The following KRT77 variants were observed in gnomAD, a reference collection of about 807,000 sequenced individuals.
KRT77 encodes the protein keratin 77.
Under a neutral mutation model 51.5 loss-of-function variants are expected in KRT77, and 44 were observed. The ratio of observed to expected loss-of-function variants is 0.85; its 90% confidence interval spans 0.67 to 1.10. The LOEUF (loss-of-function observed/expected upper bound fraction) is 1.10, where lower values mean the gene tolerates loss of function less well. Among genes scored for constraint, KRT77 ranks in the 50% least tolerant of loss-of-function variants. The probability of loss-of-function intolerance (pLI) is 0.00; values close to 1 mark genes in which losing one functional copy is unlikely to be tolerated. For missense variants in KRT77, 763 were observed against 743.9 expected (o/e 1.03, Z -0.30); for synonymous variants, 293 against 302.0 (o/e 0.97, Z 0.31).
chr12:52,691,997 G>T (rs1405079018), intron 7 of KRT77, 25 bp from the exon 8 acceptor site: 2 of 1,613,518 alleles, frequency 1.2e-6, no homozygotes. Flanking sequence ...CACACGGTCA[G>T]CCAGACCCAC....
chr12:52,701,963 C>A (rs1036124693), intron 1 of KRT77, among the ~76,000 whole-genome samples: 1 of 152,204 alleles, frequency 6.6e-6, no homozygotes, highest in Non-Finnish European at 1.5e-5. Flanking sequence ...CCATTTTCTC[C>A]AGGAATTGTA....
chr12:52,697,981 C>T (rs1308379578), intron 1 of KRT77, 85 bp from the exon 2 acceptor site: 3 of 1,445,716 alleles, frequency 2.1e-6, no homozygotes, highest in African/African-American at 2.8e-5. Context: ...CCCCTCAACA[C>T]ATCCAGACCT....
In KRT77 at chr12:52,694,627, TTGG is replaced by T. The variant is rs1392319803; in HGVS notation, c.1076_1078del (p.Thr359del). 6.3e-7 allele frequency: 1 copy of T among 1,593,128 alleles called. No homozygotes were observed. The highest frequency in any genetic ancestry group is 1.1e-5 in the South Asian group (1 of 87,672). ...ACCAGATCTGGGGGCCACGCCCACC[TTGG>T]TCTGGTACAGGGCTTCGGCCTCGTC... On this transcript the variant is annotated inframe_deletion and splice_region_variant, in exon 5 of 9. Coordinates refer to ENST00000341809, the MANE Select transcript of KRT77 (RefSeq NM_175078.3).
intron 2 of KRT77, 38 bp downstream of exon 2, chr12:52,697,644 C>A: frequency 6.6e-7 from 1 of 1,507,552 alleles, no homozygotes; most frequent in African/African-American, 1.4e-5. Flanking sequence ...AGTTTCCGGC[C>A]ATGCTTCTCC....
At position 52,701,997 on chromosome 12, in the gene KRT77, G is replaced by A. The variant is rs116339932; in HGVS notation, c.543+895C>T. 3.1e-3 allele frequency among the ~76,000 whole-genome samples: 472 copies of A among 152,202 alleles called. 3 individuals are homozygous for A. Among genetic ancestry groups the A allele is most frequent in the African/African-American group, 0.01 (421 of 41,504 alleles). ...TAACTGTTTGAAATTCCCTAAACGC[G>A]TCACGCTTTCATGCCTCCTGGTCCT... On this transcript the variant is annotated intron_variant, in intron 1 of 8. Coordinates refer to ENST00000341809, the MANE Select transcript of KRT77 (RefSeq NM_175078.3).
Position 52,697,843 on chromosome 12 carries a change from C to T in KRT77, c.597G>A (p.Leu199=), listed in dbSNP as rs1318333920. The part of the protein sequence containing the change: ...NQVLQTKWEL[L]QQVNTSTGTN... ...TTCCAGTTGAGGTGTTCACCTGCTG[C>T]AGCAACTCCCATTTTGTTTGTAGCA... is the stretch of plus-strand genomic sequence containing the variant. Residue 199 remains leucine, a synonymous_variant, in exon 2 of 9, where the codon CTG becomes CTA. Transcript: ENST00000341809. The T allele has an allele frequency of 3.7e-6, 6 of 1,614,032 alleles. No homozygotes were observed. The highest frequency in any genetic ancestry group is 5.1e-6 in the Non-Finnish European group (6 of 1,180,024).
intron 1 of KRT77, among the ~76,000 whole-genome samples, chr12:52,701,283 A>G (rs1941883883): frequency 6.6e-6 from 1 of 152,088 alleles, no homozygotes; most frequent in African/African-American, 2.4e-5. Flanking sequence ...GCGTGGTGAT[A>G]CTCAGCCAAA....
chr12:52,691,084 G>A lies in KRT77; in HGVS notation c.*81C>T, dbSNP rs571690393. 7 of 1,592,044 alleles carry A rather than the reference G, an allele frequency of 4.4e-6. No homozygotes were observed. The African/African-American group carries it at 9.4e-5, about 21-fold the overall frequency. Reference sequence around the variant, plus strand: ...CCCATTAAGAAAAGTGAATGAGAGGGGATCAGGAAGGGCGTGGAGGGGAGG... The same window carrying A: ...CCCATTAAGAAAAGTGAATGAGAGGAGATCAGGAAGGGCGTGGAGGGGAGG... On this transcript the variant is annotated 3_prime_UTR_variant, in exon 9 of 9. Coordinates refer to ENST00000341809, the MANE Select transcript of KRT77 (RefSeq NM_175078.3).
intron 2 of KRT77, 74 bp from the exon 3 acceptor site, chr12:52,696,504 G>A (rs1941796811): frequency 5.7e-6 from 7 of 1,231,816 alleles, no homozygotes; most frequent in African/African-American, 3.0e-5. Flanking sequence ...CCTTACAGCA[G>A]AAAGCTTGGA....
intron 1 of KRT77, chr12:52,698,232 A>T: frequency 1.0e-6 from 1 of 974,084 alleles, no homozygotes. Flanking sequence ...GGAGCATCTG[A>T]GACACTGATG....
At position 52,702,957 on chromosome 12, in the gene KRT77, T is replaced by G. The variant is rs749658124; in HGVS notation, c.478A>C (p.Ile160Leu). 5.0e-6 allele frequency: 8 copies of G among 1,613,932 alleles called. No homozygotes were observed. The South Asian group carries it at 8.8e-5, about 18-fold the overall frequency. The change falls in exon 1 of 9, where the codon ATC (isoleucine) becomes CTC (leucine). Residue 160 changes from isoleucine to leucine, a missense_variant. By Grantham distance (5) the Ile-to-Leu change is conservative. Coordinates refer to ENST00000341809, the MANE Select transcript of KRT77 (RefSeq NM_175078.3). ...HLEVDPEIQR[I>L]KTQEREQIMV... ...ATCTGCTCCCGCTCCTGGGTCTTGA[T>G]CCTCTGAATTTCAGGGTCCACCTCC...
chr12:52,692,759 T>C lies in KRT77; in HGVS notation c.1202A>G (p.Lys401Arg), dbSNP rs1465666626. ...CTCCCTAAGCACCCGTCCCACCTGC[T>C]TCTTCACGTTGCTGATCTCTGCCTG... ...RLQAEISNVK[K>R]QIEQMQSLIS... The change falls in exon 6 of 9, where the codon AAG becomes AGG. Residue 401 changes from lysine to arginine, a missense_variant. Lys to Arg is a conservative substitution (Grantham distance 26). Transcript: ENST00000341809. 6.2e-7 allele frequency: 1 copy of C among 1,604,252 alleles called. No homozygotes were observed. The highest frequency in any genetic ancestry group is 1.3e-5 in the African/African-American group (1 of 74,722).
At chr12:52,693,898 G>A (rs956379306) in intron 5 of KRT77, among the ~76,000 whole-genome samples, 1 of 136,460 alleles carries the variant, frequency 7.3e-6, no homozygotes. Flanking sequence ...TTAGCTTGGT[G>A]TAGTGGCGCG....
intron 2 of KRT77, among the ~76,000 whole-genome samples, chr12:52,697,462 C>G (rs978427645): frequency 1.1e-4 from 17 of 152,342 alleles, no homozygotes; most frequent in African/African-American, 4.1e-4. Context: ...ATCCATGAAG[C>G]TATCCTGCCC....
intron 1 of KRT77, 192 bp from the exon 2 acceptor site, chr12:52,698,088 G>A (rs1423462337): frequency 1.3e-6 from 2 of 1,488,226 alleles, no homozygotes; most frequent in African/African-American, 1.4e-5. Flanking sequence ...GCCAATGGCT[G>A]TAAGGTCAAC....
chr12:52,701,015 T>A (rs1941880029), intron 1 of KRT77, among the ~76,000 whole-genome samples: 2 of 152,192 alleles, frequency 1.3e-5, no homozygotes, highest in South Asian at 4.1e-4. Context: ...ATAGTCATCA[T>A]AGGCCATGCC....
At position 52,692,429 on chromosome 12, in the gene KRT77, C is replaced by T. The variant is rs1267987175; in HGVS notation, c.1419G>A (p.Glu473=). 1 of 1,613,876 alleles carries T rather than the reference C, an allele frequency of 6.2e-7. No individual in the cohort carries two copies. The highest frequency in any genetic ancestry group is 1.3e-5 in the African/African-American group (1 of 74,906). ...ACAGCTGCCAGACCCACCTGCTCTC[C>T]TCGCCCTCCAGCAGCTGGCGGTAGG... ...IATYRQLLEG[E]ESRMSGELQS... The change falls in exon 7 of 9, where the codon GAG becomes GAA. Residue 473 remains glutamate, a synonymous_variant. Transcript: ENST00000341809.
chr12:52,691,818 G>T, intron 8 of KRT77, 120 bp downstream of exon 8: 1 of 1,078,998 alleles, frequency 9.3e-7, no homozygotes, highest in South Asian at 1.3e-5. Context: ...TTACTTTGGT[G>T]TCTATTGCAC....
In KRT77 at chr12:52,694,870, T is replaced by A. The variant is rs548629023; in HGVS notation, c.916-80A>T. The A allele has an allele frequency of 8.3e-6, 11 of 1,317,852 alleles. No individual in the cohort carries two copies. In the South Asian group the frequency reaches 1.8e-4, roughly 22 times the overall value. The allele number at this position is 1,317,852 out of a possible 1,614,324, so 81.6% of individuals were successfully genotyped here. ...TTTTCCTCTGCTGCTCCCTCAAGGCTCTCGGGGGAAGCCAGAAGCCTGGGC... is the reference window on the plus strand; with the variant it reads ...TTTTCCTCTGCTGCTCCCTCAAGGCACTCGGGGGAAGCCAGAAGCCTGGGC... On this transcript the variant is annotated intron_variant, in intron 4 of 8. Transcript: ENST00000341809.
Sources: gnomAD v4.1 joint callset for allele counts (sites outside exome capture counted in the v4.1 genomes callset) on GRCh38, gnomAD v4.1.1 for gene constraint, MANE v1.5 for transcripts, NCBI Gene and HGNC (gene_info 2026-07-23, HGNC 2026-07-21) for gene names.